Variants in RBMS2 observed in about 807,000 individuals in gnomAD.
RBMS2 encodes the protein RNA binding motif single stranded interacting protein 2.
A neutral mutation model predicts 58.4 loss-of-function variants in RBMS2; 38 were observed. The observed-to-expected ratio is 0.65, with a 90% CI of 0.50 to 0.85. The LOEUF (loss-of-function observed/expected upper bound fraction) is 0.85, where lower values mean the gene tolerates loss of function less well. RBMS2 is among the 40% of genes least tolerant of loss of function. The pLI is 0.00. For missense variants in RBMS2, 367 were observed against 503.7 expected (o/e 0.73, Z 2.60); for synonymous variants, 151 against 180.7 (o/e 0.84, Z 1.32).
intron 1 of RBMS2, among the ~76,000 whole-genome samples, chr12:56,526,902 C>A (rs891570264): frequency 6.6e-6 from 1 of 152,050 alleles, no homozygotes; most frequent in Non-Finnish European, 1.5e-5. Context: ...ACAACCATTT[C>A]CTTTGGAAAA....
At chr12:56,552,386 A>T (rs1352502982) in intron 1 of RBMS2, among the ~76,000 whole-genome samples, 2 of 152,190 alleles carry the variant, frequency 1.3e-5, no homozygotes, top group Non-Finnish European at 2.9e-5. Context: ...ATGCTAGGGA[A>T]CAGCAGATTT....
At chr12:56,574,332 A>G (rs1474720823) in intron 5 of RBMS2, among the ~76,000 whole-genome samples, 1 of 152,198 alleles carries the variant, frequency 6.6e-6, no homozygotes, top group Non-Finnish European at 1.5e-5. Flanking sequence ...GAATTGCACA[A>G]CTTCTCAAAA....
intron 1 of RBMS2, among the ~76,000 whole-genome samples, chr12:56,533,396 C>T (rs1404242378): frequency 1.4e-5 from 2 of 138,296 alleles, no homozygotes; most frequent in African/African-American, 5.5e-5. Context: ...GCCGCGGCAC[C>T]CAGCCCTATT....
chr12:56,589,505 G>T lies in RBMS2; in HGVS notation c.*372G>T. On this transcript the variant is annotated 3_prime_UTR_variant, in exon 14 of 14. Transcript: ENST00000262031. ...TATATGAAAAAGTTTTCGATGTATT[G>T]GAATTATTTGGGAATGCTTTTAAAA... 5 of 230,522 alleles carry T rather than the reference G, an allele frequency of 2.2e-5. No homozygotes were observed. The highest frequency in any genetic ancestry group is 1.2e-4 in the South Asian group (2 of 16,742). The allele number at this position is 230,522 out of a possible 1,614,324, so 14.3% of individuals were successfully genotyped here. A position where few individuals can be genotyped will look rare whatever the true frequency, so the allele number is the denominator to read the frequency against.
At chr12:56,588,519 T>G (rs1450967794) in intron 12 of RBMS2, 145 bp downstream of exon 12, 1 of 747,844 alleles carries the variant, frequency 1.3e-6, no homozygotes, top group Admixed American at 2.3e-5. Context: ...AGGAAGGATG[T>G]GCTCGCTTCG....
intron 1 of RBMS2, among the ~76,000 whole-genome samples, chr12:56,524,910 C>T (rs1011540491): frequency 2.0e-5 from 3 of 151,808 alleles, no homozygotes; most frequent in Non-Finnish European, 2.9e-5. Flanking sequence ...TTAGTAGAGA[C>T]GGGGTTTCAT....
In RBMS2 at chr12:56,526,668, T is replaced by TAA. The variant is rs371154715; in HGVS notation, c.66+4594_66+4595dup. On this transcript the variant is annotated intron_variant, in intron 1 of 13. Transcript: ENST00000262031. The stretch of plus-strand genomic sequence containing the variant: ...AATGCCCTTCAGTAACTTGGTTCAT[T>TAA]AAAAAAAAAAAAAAAAGGCTGAAGT... 1.9e-3 allele frequency among the ~76,000 whole-genome samples: 227 copies of TAA among 117,440 alleles called. 2 individuals carry two copies. The highest frequency in any genetic ancestry group is 0.014 in the East Asian group (56 of 4,112). 77.0% of individuals were successfully genotyped at this position (117,440 alleles called of 152,430 possible).
intron 5 of RBMS2, chr12:56,580,381 T>C: frequency 3.1e-6 from 1 of 326,726 alleles, no homozygotes; most frequent in Non-Finnish European, 6.0e-6. Flanking sequence ...TACAGGCAAG[T>C]GCCACCACTC....
intron 1 of RBMS2, among the ~76,000 whole-genome samples, chr12:56,534,669 G>T (rs1429544873): frequency 2.0e-5 from 3 of 151,830 alleles, no homozygotes; most frequent in Non-Finnish European, 4.4e-5. Flanking sequence ...TATGATGGAG[G>T]CTCGCTCTGT....
At chr12:56,575,582 TA>T (rs750670165) in intron 5 of RBMS2, among the ~76,000 whole-genome samples, 2 of 148,534 alleles carry the variant, frequency 1.3e-5, no homozygotes, top group Non-Finnish European at 3.0e-5. Flanking sequence ...AAAAAAGGGC[TA>T]TTTTTTTTTA....
intron 1 of RBMS2, among the ~76,000 whole-genome samples, chr12:56,542,464 A>T (rs1285153780): frequency 6.8e-6 from 1 of 147,320 alleles, no homozygotes; most frequent in East Asian, 2.0e-4. Context: ...TATTTAAAGT[A>T]TGGGTTTTTT....
At chr12:56,535,503 A>AAG (rs1565731434) in intron 1 of RBMS2, among the ~76,000 whole-genome samples, 2 of 151,720 alleles carry the variant, frequency 1.3e-5, no homozygotes. Context: ...TCAAAAAAAA[A>AAG]AAAAAAAAAA....
intron 1 of RBMS2, among the ~76,000 whole-genome samples, chr12:56,549,412 A>G (rs1344869681): frequency 4.6e-5 from 7 of 152,156 alleles, no homozygotes; most frequent in Admixed American, 4.6e-4. Context: ...ATTGGGAAGT[A>G]GGCATTGTGC....
At chr12:56,544,652 A>G (rs1374326159) in intron 1 of RBMS2, among the ~76,000 whole-genome samples, 1 of 152,154 alleles carries the variant, frequency 6.6e-6, no homozygotes, top group African/African-American at 2.4e-5. Flanking sequence ...CAGTAGTGCA[A>G]TAATGGCTCA....
Position 56,581,500 on chromosome 12 carries a change from G to T in RBMS2, c.724G>T (p.Ala242Ser). Reference protein sequence around the residue: ...VQNGRAWPRNADMGVMALTYD... With the variant: ...VQNGRAWPRNSDMGVMALTYD... ...AAATGGACGGGCTTGGCCAAGGAAT[G>T]CAGACATGGTAAGAGGACCTCTGAG... Residue 242 changes from alanine (A) to serine (S), a missense_variant, in exon 7 of 14, where the codon GCA (alanine) becomes TCA (serine). Physicochemically the swap from Ala to Ser is moderately conservative, Grantham distance 99. Transcript: ENST00000262031. 2 of 1,613,832 alleles carry T rather than the reference G, an allele frequency of 1.2e-6. No homozygotes were observed. Among genetic ancestry groups the T allele is most frequent in the Non-Finnish European group, 1.7e-6 (2 of 1,179,718 alleles).
At chr12:56,527,045 T>G (rs909664139) in intron 1 of RBMS2, among the ~76,000 whole-genome samples, 9 of 152,186 alleles carry the variant, frequency 5.9e-5, no homozygotes, top group South Asian at 2.1e-4. Flanking sequence ...TAAGGCTGAC[T>G]GGTGGGTACT....
chr12:56,557,400 G>C (rs184878093), intron 1 of RBMS2, among the ~76,000 whole-genome samples: 4 of 151,896 alleles, frequency 2.6e-5, no homozygotes, highest in Admixed American at 6.6e-5. Context: ...TTTTTCTTTG[G>C]TGTCAAACCT....
intron 1 of RBMS2, among the ~76,000 whole-genome samples, chr12:56,549,355 T>G (rs1877823032): frequency 6.6e-6 from 1 of 152,008 alleles, no homozygotes; most frequent in African/African-American, 2.4e-5. Context: ...TACAAGTAGC[T>G]CGTCTGATTG....
At chr12:56,536,711 G>A (rs1212672424) in intron 1 of RBMS2, among the ~76,000 whole-genome samples, 1 of 151,292 alleles carries the variant, frequency 6.6e-6, no homozygotes, top group East Asian at 2.0e-4. Flanking sequence ...GGGACTACAG[G>A]CGTTTGCCAC....
Sources: gnomAD v4.1 joint callset for allele counts (sites outside exome capture counted in the v4.1 genomes callset) on GRCh38, gnomAD v4.1.1 for gene constraint, MANE v1.5 for transcripts, NCBI Gene and HGNC (gene_info 2026-07-23, HGNC 2026-07-21) for gene names.